EIF2B3: variants seen among roughly 807,000 people sequenced by gnomAD.
EIF2B3 encodes the protein eukaryotic translation initiation factor 2B subunit gamma.
EIF2B3 carries 20 observed loss-of-function variants against 54.1 expected under a neutral mutation model. The observed-to-expected ratio is 0.37, with a 90% confidence interval of 0.26 to 0.54. The LOEUF (loss-of-function observed/expected upper bound fraction) is 0.54. Ranked by LOEUF, EIF2B3 falls within the 20% of genes least tolerant of loss-of-function variation. EIF2B3 has a pLI of 0.86. For missense variants in EIF2B3, 448 were observed against 547.8 expected, an observed-to-expected ratio of 0.82 and a Z score of 1.82; for synonymous variants, 153 against 188.1, an observed-to-expected ratio of 0.81 and a Z score of 1.52.
At chr1:44,974,536 A>G (rs1253309341) in intron 3 of EIF2B3, among the ~76,000 whole-genome samples, 1 of 151,558 alleles carries the variant, frequency 6.6e-6, no homozygotes, top group African/African-American at 2.4e-5. Context: ...CTGTAGTCCT[A>G]GTTACTTAGT....
intron 6 of EIF2B3, among the ~76,000 whole-genome samples, chr1:44,892,639 G>A (rs950879853): frequency 2.0e-5 from 3 of 151,866 alleles, no homozygotes; most frequent in African/African-American, 4.8e-5. Context: ...TTCTAAATAC[G>A]TTTCTCTATT....
At chr1:44,940,794 GAAAA>G in intron 4 of EIF2B3, 1 of 152,340 alleles carries the variant, frequency 6.6e-6, no homozygotes, top group East Asian at 1.9e-4. Flanking sequence ...AAAAGAAAAA[GAAAA>G]AGAAACAACT....
intron 2 of EIF2B3, among the ~76,000 whole-genome samples, chr1:44,979,980 C>G (rs1644496457): frequency 6.6e-6 from 1 of 151,710 alleles, no homozygotes; most frequent in Admixed American, 6.6e-5. Flanking sequence ...AATCTTCATT[C>G]AATACAAAGA....
intron 5 of EIF2B3, among the ~76,000 whole-genome samples, chr1:44,922,460 G>A (rs12738586): frequency 0.22 from 33,409 of 150,910 alleles, 4,022 homozygotes; most frequent in Admixed American, 0.33. Flanking sequence ...GGTGGTGGGC[G>A]CCTGTAATCC....
At chr1:44,968,673 C>T (rs1429690420) in intron 3 of EIF2B3, among the ~76,000 whole-genome samples, 3 of 151,882 alleles carry the variant, frequency 2.0e-5, no homozygotes, top group South Asian at 2.1e-4. Flanking sequence ...CCGAGGCGGG[C>T]GGATCATGAG....
At chr1:44,937,435 G>A (rs1433991168) in intron 4 of EIF2B3, 5 of 152,146 alleles carry the variant, frequency 3.3e-5, no homozygotes, top group Non-Finnish European at 7.3e-5. Context: ...AAGAGAGCAG[G>A]CTGCTATATG....
At chr1:44,897,141 G>A (rs373205712) in intron 6 of EIF2B3, among the ~76,000 whole-genome samples, 11 of 152,166 alleles carry the variant, frequency 7.2e-5, no homozygotes, top group Non-Finnish European at 1.2e-4. Context: ...TATAACACAC[G>A]CTGCAAAAAT....
intron 4 of EIF2B3, among the ~76,000 whole-genome samples, chr1:44,931,701 T>C (rs2148935268): frequency 6.6e-6 from 1 of 152,244 alleles, no homozygotes; most frequent in African/African-American, 2.4e-5. Context: ...CAGAGAAAAA[T>C]CATATACCAC....
intron 6 of EIF2B3, among the ~76,000 whole-genome samples, chr1:44,895,357 A>T (rs1655933637): frequency 1.3e-5 from 2 of 152,212 alleles, no homozygotes; most frequent in African/African-American, 4.8e-5. Flanking sequence ...ACTACAAATA[A>T]GCTATAACAA....
intron 4 of EIF2B3, among the ~76,000 whole-genome samples, chr1:44,935,612 G>C (rs1290151896): frequency 6.6e-6 from 1 of 152,108 alleles, no homozygotes; most frequent in African/African-American, 2.4e-5. Flanking sequence ...CAATTCTCCT[G>C]CCTCAGCCTC....
At chr1:44,874,636 T>C (rs1486518226) in intron 10 of EIF2B3, 42 bp downstream of exon 10, 3 of 1,603,078 alleles carry the variant, frequency 1.9e-6, no homozygotes, top group Non-Finnish European at 2.6e-6. Context: ...GAAGGCATTT[T>C]TCCATTATCT....
intron 3 of EIF2B3, among the ~76,000 whole-genome samples, chr1:44,942,417 A>ATTTTTTTTTTT (rs34978668): frequency 3.9e-4 from 2 of 5,190 alleles, no homozygotes; most frequent in Non-Finnish European, 5.1e-4. Flanking sequence ...ATATATATAT[A>ATTTTTTTTTTT]TTTTTTTTTT....
chr1:44,862,255 G>A (rs937077236), intron 10 of EIF2B3, among the ~76,000 whole-genome samples: 24 of 152,314 alleles, frequency 1.6e-4, no homozygotes, highest in African/African-American at 5.5e-4. Flanking sequence ...TCTCTAAGAC[G>A]CTGCTCAGTG....
intron 2 of EIF2B3, 83 bp downstream of exon 2, chr1:44,980,938 T>C: frequency 1.3e-6 from 2 of 1,550,032 alleles, no homozygotes; most frequent in Non-Finnish European, 1.8e-6. Flanking sequence ...TCACCCTCTC[T>C]CATTCTCATA....
intron 5 of EIF2B3, among the ~76,000 whole-genome samples, chr1:44,906,741 C>A (rs1348142962): frequency 1.3e-5 from 2 of 152,158 alleles, no homozygotes; most frequent in Admixed American, 1.3e-4. Context: ...CATTCCCCAC[C>A]CTTGAGGTTC....
chr1:44,935,211 T>G (rs1203311672), intron 4 of EIF2B3, among the ~76,000 whole-genome samples: 4 of 152,196 alleles, frequency 2.6e-5, no homozygotes, highest in African/African-American at 9.6e-5. Context: ...AGTCAATGAT[T>G]TGTGTCATTA....
intron 3 of EIF2B3, 32 bp from the exon 4 acceptor site, chr1:44,941,697 A>T: frequency 6.2e-7 from 1 of 1,613,336 alleles, no homozygotes; most frequent in Non-Finnish European, 8.5e-7. Flanking sequence ...AGTCAATATC[A>T]TAAAGGACAA....
At chr1:44,929,080 T>C (rs549856588) in intron 4 of EIF2B3, among the ~76,000 whole-genome samples, 14 of 152,322 alleles carry the variant, frequency 9.2e-5, no homozygotes, top group African/African-American at 2.9e-4. Flanking sequence ...TGTAAAGAAT[T>C]TATAATAGTG....
chr1:44,964,462 A>T (rs1644316356), intron 3 of EIF2B3, among the ~76,000 whole-genome samples: 1 of 152,288 alleles, frequency 6.6e-6, no homozygotes, highest in Non-Finnish European at 1.5e-5. Context: ...TTGATAAAAG[A>T]CATCAAACAC....
Sources: allele counts gnomAD v4.1 joint callset (sites outside exome capture counted in the v4.1 genomes callset), GRCh38; gene constraint gnomAD v4.1.1; transcripts MANE v1.5; gene names NCBI Gene and HGNC (gene_info 2026-07-23, HGNC 2026-07-21).